MVP: variants seen among roughly 807,000 people sequenced by gnomAD.
MVP encodes major vault protein.
A neutral mutation model predicts 83.5 loss-of-function variants in MVP; 62 were observed. The ratio of observed to expected loss-of-function variants is 0.74; its 90% CI spans 0.61 to 0.92. MVP has a LOEUF of 0.92. Ranked by LOEUF, MVP falls within the 40% of genes least tolerant of loss-of-function variation. The pLI is 0.00. For synonymous variants in MVP, 505 were observed against 504.1 expected (o/e 1.00, Z -0.02); for missense variants, 1,000 against 1,203.4 (o/e 0.83, Z 2.50).
At chr16:29,845,592 T>TA (rs1469347322) in intron 11 of MVP, among the ~76,000 whole-genome samples, 1 of 152,190 alleles carries the variant, frequency 6.6e-6, no homozygotes, top group Non-Finnish European at 1.5e-5. Flanking sequence ...CTCCCACACT[T>TA]GTCACTGTCT....
At chr16:29,832,577 G>A (rs550191943) in intron 3 of MVP, among the ~76,000 whole-genome samples, 71 of 147,792 alleles carry the variant, frequency 4.8e-4, no homozygotes, top group Non-Finnish European at 7.5e-4. Flanking sequence ...GATTACAGGC[G>A]TGAGCCACCG....
chr16:29,830,549 C>A lies in MVP; in HGVS notation c.-1C>A, dbSNP rs140504211. 5 of 1,613,726 alleles carry A rather than the reference C, an allele frequency of 3.1e-6. No homozygotes were observed. The highest frequency in any genetic ancestry group is 4.2e-6 in the Non-Finnish European group (5 of 1,179,874). On this transcript the variant is annotated 5_prime_UTR_variant, in exon 2 of 15. Transcript: ENST00000357402. ...TGTGAGCCCTGGGCTTAGGAGTCAC[C>A]ATGGCAACTGAAGAGTTCATCATCC... is the stretch of plus-strand genomic sequence containing the variant.
chr16:29,834,612 G>A lies in MVP; in HGVS notation c.577+546G>A, dbSNP rs2067470143. ...GAGCCCAGGATGTGGAGGCTGCAGT[G>A]AGCTGTGACTGCACCACTGCACTCC... On this transcript the variant is annotated intron_variant, in intron 5 of 14. Coordinates refer to ENST00000357402, the MANE Select transcript of MVP (RefSeq NM_005115.5). 3 of 164,594 alleles carry A rather than the reference G, an allele frequency of 1.8e-5. 1 individual carries two copies. Among genetic ancestry groups the A allele is most frequent in the Non-Finnish European group, 2.6e-5 (2 of 75,660 alleles). The allele number at this position is 164,594 out of a possible 1,614,324, so 10.2% of individuals were successfully genotyped here.
chr16:29,834,346 C>G, intron 5 of MVP: 1 of 409,316 alleles, frequency 2.4e-6, no homozygotes, highest in Middle Eastern at 7.8e-4. Flanking sequence ...TTACCTGATT[C>G]TGGATCAACA....
At position 29,841,837 on chromosome 16, in the gene MVP, C is replaced by A. The variant is rs773805822; in HGVS notation, c.1433C>A (p.Ala478Asp). The A allele has an allele frequency of 5.6e-6, 9 of 1,609,014 alleles. No individual in the cohort carries two copies. The highest frequency in any genetic ancestry group is 7.6e-6 in the Non-Finnish European group (9 of 1,179,802). Residue 478 changes from alanine to aspartate, a missense_variant, in exon 9 of 15, where the codon GCC (alanine) becomes GAC (aspartate). By Grantham distance (126) the Ala-to-Asp change is moderately radical. Transcript: ENST00000357402. This position sits in a 1 kb window ranked among gnomAD's most constrained non-coding sequence, Gnocchi z 4.7. ...VQVYDYREKR[A>D]RVVFGPELVS... ...GTGTACGACTACCGAGAGAAGCGAG[C>A]CCGGTGAGTGCTGGCAGCGCAGGGT...
At position 29,841,500 on chromosome 16, in the gene MVP, G is replaced by A. The variant is rs554231918; in HGVS notation, c.1192-96G>A. ...TAGAGAAGGTGTTTAACCTCGTGGC[G>A]CGCCTTCCCTGGATGGGCTCTGCTT... On this transcript the variant is annotated intron_variant, in intron 8 of 14. Coordinates refer to ENST00000357402, the MANE Select transcript of MVP (RefSeq NM_005115.5). This position sits in a 1 kb window ranked among gnomAD's most constrained non-coding sequence, Gnocchi z 4.7. 24 of 1,457,978 alleles carry A rather than the reference G, an allele frequency of 1.6e-5. No homozygotes were observed. The highest frequency in any genetic ancestry group is 2.5e-5 in the Admixed American group (1 of 39,874). The allele number at this position is 1,457,978 out of a possible 1,614,324, so 90.3% of individuals were successfully genotyped here. A position where few individuals can be genotyped will look rare whatever the true frequency, so the allele number is the denominator to read the frequency against.
chr16:29,834,111 C>A (rs1441567388), intron 5 of MVP, 45 bp downstream of exon 5: 4 of 1,598,844 alleles, frequency 2.5e-6, no homozygotes, highest in Admixed American at 1.8e-5. Context: ...CAGGAGGGGT[C>A]CCCACTGCAG....
chr16:29,832,937 C>T (rs1004506443), intron 3 of MVP, among the ~76,000 whole-genome samples: 11 of 151,932 alleles, frequency 7.2e-5, no homozygotes. Context: ...TGGTGGCATG[C>T]GCCTGTAATC....
chr16:29,847,532 GTCACGCTGCA>G (rs1223438559), intron 14 of MVP, 147 bp downstream of exon 14: 5 of 904,588 alleles, frequency 5.5e-6, no homozygotes, highest in Non-Finnish European at 8.3e-6. Context: ...TTCACACAGT[GTCACGCTGCA>G]TCAACGTCAG....
chr16:29,833,064 CAAAA>C (rs200615920), intron 3 of MVP, among the ~76,000 whole-genome samples: 5 of 87,374 alleles, frequency 5.7e-5, no homozygotes, highest in Non-Finnish European at 9.6e-5. Context: ...GACTCTGTCT[CAAAA>C]AAAAAAAAAA....
intron 7 of MVP, among the ~76,000 whole-genome samples, chr16:29,838,433 C>CAA (rs561527769): frequency 1.3e-4 from 12 of 93,066 alleles, no homozygotes; most frequent in Admixed American, 9.1e-4. Context: ...AAGACTGTCT[C>CAA]AAAAAAAAAA....
rs1219425122 is a variant in MVP at position 29,841,540 on chromosome 16, G to A, written c.1192-56G>A. 1.8e-5 allele frequency: 27 copies of A among 1,520,416 alleles called. No homozygotes were observed. Among genetic ancestry groups the A allele is most frequent in the Admixed American group, 4.3e-5 (2 of 46,762 alleles). The allele number at this position is 1,520,416 out of a possible 1,614,324, so 94.2% of individuals were successfully genotyped here. On this transcript the variant is annotated intron_variant, in intron 8 of 14. Coordinates refer to ENST00000357402, the MANE Select transcript of MVP (RefSeq NM_005115.5). The surrounding 1 kb of genome is among the most constrained non-coding windows in gnomAD (Gnocchi z 4.7). ...GGGCTCTGCTTTGGGACAGCTGGGC[G>A]GATCTTCCTCCCTTCCACCCTTACG... is the stretch of plus-strand genomic sequence containing the variant.
chr16:29,835,740 T>G lies in MVP; in HGVS notation c.614T>G (p.Leu205Arg), dbSNP rs1371785467. The stretch of plus-strand genomic sequence containing the variant: ...CTGGTCACCACAGTAGGGGCGTACC[T>G]CCCAGCGGTGTTTGAGGAGGTTCTG... ...EWLVTTVGAYLPAVFEEVLDL... is the reference protein window; with the variant it reads ...EWLVTTVGAYRPAVFEEVLDL... Residue 205 changes from leucine to arginine, a missense_variant, in exon 6 of 15, where the codon CTC becomes CGC. Coordinates refer to ENST00000357402, the MANE Select transcript of MVP (RefSeq NM_005115.5). 6 of 1,613,882 alleles carry G rather than the reference T, an allele frequency of 3.7e-6. No individual in the cohort carries two copies. The highest frequency in any genetic ancestry group is 3.3e-5 in the South Asian group (3 of 91,052).
At chr16:29,821,180 A>G (rs953006701) in intron 1 of MVP, 41 of 152,412 alleles carry the variant, frequency 2.7e-4, no homozygotes, top group African/African-American at 9.6e-4. Context: ...TTGGGGAGCC[A>G]AGCACTTGGG....
chr16:29,835,663 G>A (rs1401947110), intron 5 of MVP, 41 bp from the exon 6 acceptor site: 1 of 1,569,412 alleles, frequency 6.4e-7, no homozygotes, highest in South Asian at 1.1e-5. Context: ...TGGGGAGCAG[G>A]CTGGGGGGCC....
chr16:29,832,183 G>A lies in MVP; in HGVS notation c.321+1110G>A, dbSNP rs544075768. On this transcript the variant is annotated intron_variant, in intron 3 of 14. Transcript: ENST00000357402. The stretch of plus-strand genomic sequence containing the variant: ...TTTTAGAGACATTCATGTCCACTTA[G>A]GTGCAGACAGTTTGGGGGAAGAAGT... 3.3e-5 allele frequency among the ~76,000 whole-genome samples: 5 copies of A among 152,102 alleles called. No individual in the cohort carries two copies. In the South Asian group the frequency reaches 1.0e-3, roughly 32 times the overall value.
chr16:29,843,441 G>A (rs2067550522), intron 10 of MVP, among the ~76,000 whole-genome samples: 1 of 149,158 alleles, frequency 6.7e-6, no homozygotes, highest in Middle Eastern at 3.2e-3. Context: ...GCTGCAGCAA[G>A]CTATGATTGT....
chr16:29,821,195 G>C (rs1392355327), intron 1 of MVP: 1 of 152,334 alleles, frequency 6.6e-6, no homozygotes. Flanking sequence ...CTTGGGGGTG[G>C]AGGTGATAGC....
intron 7 of MVP, among the ~76,000 whole-genome samples, chr16:29,837,466 C>T (rs2067497243): frequency 6.6e-6 from 1 of 152,130 alleles, no homozygotes; most frequent in Admixed American, 6.6e-5. Context: ...ATAAAAGCTT[C>T]GTTATAGGCC....
Sources: allele counts gnomAD v4.1 joint callset (sites outside exome capture counted in the v4.1 genomes callset), GRCh38; gene constraint gnomAD v4.1.1; non-coding constraint Gnocchi (gnomAD v3.1); transcripts MANE v1.5; gene names NCBI Gene and HGNC (gene_info 2026-07-23, HGNC 2026-07-21).